NLRP13: variants seen among roughly 807,000 people sequenced by gnomAD.
The protein encoded by NLRP13 is NACHT, LRR and PYD domains-containing protein 13.
NLRP13 carries 82 observed loss-of-function variants against 94.4 expected under a neutral mutation model. That is an observed-to-expected ratio of 0.87 (90% CI 0.73 to 1.04). NLRP13 has a LOEUF of 1.04. NLRP13 is among the 50% of genes least tolerant of loss of function. The probability of loss-of-function intolerance (pLI) is 0.00; values close to 1 mark genes in which losing one functional copy is unlikely to be tolerated. For synonymous variants in NLRP13, 553 were observed against 464.7 expected, an observed-to-expected ratio of 1.19 and a Z score of -2.45; for missense variants, 1,426 against 1,230.8, an observed-to-expected ratio of 1.16 and a Z score of -2.37.
rs149110821 is a variant in NLRP13 at position 55,932,101 on chromosome 19, G to T, written c.211C>A (p.Leu71Ile). ...RAADPLNLSF[L>I]LDEHFPKGQA... ...CCTTTTGGGAAGTGTTCATCCAAAA[G>T]AAAGGACAGATTCAAAGGGTCGGCA... Residue 71 changes from leucine (L) to isoleucine (I), a missense_variant, in exon 1 of 11, where the codon CTT (leucine) becomes ATT (isoleucine). Leu to Ile is a conservative substitution (Grantham distance 5). Transcript: ENST00000342929. 272 of 1,614,076 alleles carry T rather than the reference G, an allele frequency of 1.7e-4. 1 individual carries two copies. Among genetic ancestry groups the T allele is most frequent in the Middle Eastern group, 1.2e-3 (7 of 6,084 alleles).
Position 55,898,920 on chromosome 19 carries a change from A to G in NLRP13, c.2807T>C (p.Phe936Ser). The change falls in exon 10 of 11, where the codon TTC (phenylalanine) becomes TCC (serine). Residue 936 changes from phenylalanine to serine, a missense_variant. Coordinates refer to ENST00000342929, the MANE Select transcript of NLRP13 (RefSeq NM_176810.2). ...CAGCTCTCCACAGCCCTCTCTTGTG[A>G]AAGAACAACCTGACAAACTGCAAAA... ...LQSLNLSGCS[F>S]TREGCGELAN... is the part of the protein sequence containing the mutation. The G allele has an allele frequency of 1.2e-6, 2 of 1,605,720 alleles. No individual in the cohort carries two copies. Among genetic ancestry groups the G allele is most frequent in the Middle Eastern group, 1.7e-4 (1 of 6,034 alleles).
intron 3 of NLRP13, among the ~76,000 whole-genome samples, chr19:55,924,207 C>A (rs1458654087): frequency 6.6e-6 from 1 of 152,196 alleles, no homozygotes; most frequent in African/African-American, 2.4e-5. Flanking sequence ...ACTGCAACAT[C>A]TGCCTCCTGG....
intron 8 of NLRP13, among the ~76,000 whole-genome samples, chr19:55,903,108 GTAA>G (rs1166344841): frequency 1.3e-5 from 2 of 151,900 alleles, no homozygotes; most frequent in Non-Finnish European, 2.9e-5. Context: ...TAATAGAGTT[GTAA>G]TAATATATTA....
intron 6 of NLRP13, among the ~76,000 whole-genome samples, chr19:55,909,186 G>GT (rs1365377541): frequency 2.0e-5 from 3 of 152,072 alleles, no homozygotes; most frequent in Non-Finnish European, 2.9e-5. Context: ...CTCCTCTATA[G>GT]TTCCCCCCCG....
rs1423179992 is a variant in NLRP13 at position 55,913,215 on chromosome 19, T to A, written c.602A>T (p.His201Leu). Residue 201 changes from histidine to leucine, a missense_variant, in exon 5 of 11, where the codon CAC becomes CTC. His to Leu is a moderately conservative substitution (Grantham distance 99). Transcript: ENST00000342929. Reference protein sequence around the residue: ...TWDNISWPKDHVYIRNTSKDE... With the variant: ...TWDNISWPKDLVYIRNTSKDE... ...CTTTGATGTATTACGGATATATACG[T>A]GGTCTTTAGGCCAACTGATGTTGTC... 1.2e-6 allele frequency: 2 copies of A among 1,614,124 alleles called. No individual in the cohort carries two copies. The highest frequency in any genetic ancestry group is 2.2e-5 in the South Asian group (2 of 91,080).
At chr19:55,931,744 A>AAGAAAGACAGAAAGACAG (rs1600283705) in intron 1 of NLRP13, among the ~76,000 whole-genome samples, 1 of 148,936 alleles carries the variant, frequency 6.7e-6, no homozygotes, top group African/African-American at 2.5e-5. Context: ...GAAAGAAAGA[A>AAGAAAGACAGAAAGACAG]AAAGGCTTAT....
chr19:55,917,136 A>C lies in NLRP13; in HGVS notation c.524-3843T>G, dbSNP rs567559735. 2.6e-5 allele frequency among the ~76,000 whole-genome samples: 4 copies of C among 152,260 alleles called. No individual in the cohort carries two copies. In the South Asian group the frequency reaches 8.3e-4, roughly 32 times the overall value. On this transcript the variant is annotated intron_variant, in intron 4 of 10. Coordinates refer to ENST00000342929, the MANE Select transcript of NLRP13 (RefSeq NM_176810.2). ...CTTCTACAATAAGCTTTATAAATGA[A>C]GAAATAAAGTCTTTTTCAGACAAGC...
Position 55,912,636 on chromosome 19 carries a change from T to C in NLRP13, c.1181A>G (p.Tyr394Cys), listed in dbSNP as rs766093514. The change falls in exon 5 of 11, where the codon TAT becomes TGT. Residue 394 changes from tyrosine to cysteine, a missense_variant. Transcript: ENST00000342929. ...TGAGTCATCAAAGTGTCTCATGAAATATACCCGTAGGTCGTCCCCTGTGAA... is the reference window on the plus strand; with the variant it reads ...TGAGTCATCAAAGTGTCTCATGAAACATACCCGTAGGTCGTCCCCTGTGAA... ...TGFTGDDLRV[Y>C]FMRHFDDSSE... 3 of 1,614,192 alleles carry C rather than the reference T, an allele frequency of 1.9e-6. No individual in the cohort carries two copies. Among genetic ancestry groups the C allele is most frequent in the East Asian group, 4.5e-5 (2 of 44,874 alleles).
At chr19:55,899,769 G>C (rs543885676) in intron 9 of NLRP13, among the ~76,000 whole-genome samples, 28 of 152,258 alleles carry the variant, frequency 1.8e-4, no homozygotes, top group South Asian at 8.3e-4. Context: ...GACAGAGCAA[G>C]AGTCTGTTTA....
At chr19:55,897,470 C>T (rs1445010920) in intron 10 of NLRP13, among the ~76,000 whole-genome samples, 1 of 152,172 alleles carries the variant, frequency 6.6e-6, no homozygotes, top group African/African-American at 2.4e-5. Flanking sequence ...CGCACCACTG[C>T]ACTCCAGCCT....
chr19:55,907,995 G>C, intron 6 of NLRP13, 39 bp from the exon 7 acceptor site: 1 of 1,560,992 alleles, frequency 6.4e-7, no homozygotes, highest in Non-Finnish European at 8.7e-7. Context: ...GATTGGGGGA[G>C]AAGACTGGTT....
At position 55,907,775 on chromosome 19, in the gene NLRP13, GGGAGCC is replaced by G; in HGVS notation, c.2447+11_2447+16del. ...CTTGCAACCCCCCTTGACAGATCTA[GGGAGCC>G]AAAGACTTACCACAGATACTTGAGG... On this transcript the variant is annotated intron_variant, in intron 7 of 10. Transcript: ENST00000342929. 6.2e-7 allele frequency: 1 copy of G among 1,613,184 alleles called. No individual in the cohort carries two copies. The highest frequency in any genetic ancestry group is 8.5e-7 in the Non-Finnish European group (1 of 1,179,522).
At chr19:55,920,892 A>ATG (rs1213160582) in intron 4 of NLRP13, among the ~76,000 whole-genome samples, 2 of 152,058 alleles carry the variant, frequency 1.3e-5, no homozygotes, top group African/African-American at 4.8e-5. Context: ...AATGTGGTGT[A>ATG]TGTATGTATG....
chr19:55,912,496 T>G lies in NLRP13; in HGVS notation c.1321A>C (p.Arg441=). 1 of 1,614,094 alleles carries G rather than the reference T, an allele frequency of 6.2e-7. No individual in the cohort carries two copies. The highest frequency in any genetic ancestry group is 8.5e-7 in the Non-Finnish European group (1 of 1,179,998). ...GTGATTGACTGGAGATCGTAATACC[T>G]CACCTTCGGCTGCTTCAGACAGGAA... ...VCSCLKQPKV[R]YYDLQSITQT... is the part of the protein sequence containing the mutation. Residue 441 remains arginine, a synonymous_variant, in exon 5 of 11, where the codon AGG becomes CGG. Transcript: ENST00000342929.
At chr19:55,892,388 T>TACAC (rs3073262), downstream of NLRP13, among the ~76,000 whole-genome samples, 7 of 151,182 alleles carry the variant, frequency 4.6e-5, no homozygotes, top group South Asian at 6.3e-4. Flanking sequence ...TACACACACA[T>TACAC]ACACACACAC....
chr19:55,905,267 C>T (rs190215926), intron 7 of NLRP13, among the ~76,000 whole-genome samples, 155 bp from the exon 8 acceptor site: 14 of 151,672 alleles, frequency 9.2e-5, no homozygotes, highest in South Asian at 2.1e-4. Context: ...AAGGGCCAGG[C>T]GCAGTGGCTG....
At chr19:55,898,212 GTTTTT>G (rs996847207) in intron 10 of NLRP13, among the ~76,000 whole-genome samples, 1 of 28,076 alleles carries the variant, frequency 3.6e-5, no homozygotes, top group Non-Finnish European at 6.4e-5. Flanking sequence ...TTTTGTTTTT[GTTTTT>G]TTTTTTTTTG....
Position 55,913,273 on chromosome 19 carries a change from C to T in NLRP13, c.544G>A (p.Glu182Lys). 6.2e-7 allele frequency: 1 copy of T among 1,613,902 alleles called. No individual in the cohort carries two copies. The change falls in exon 5 of 11, where the codon GAG (glutamate) becomes AAG (lysine). Residue 182 changes from glutamate (E) to lysine (K), a missense_variant. Coordinates refer to ENST00000342929, the MANE Select transcript of NLRP13 (RefSeq NM_176810.2). ...EEADHRRKYR[E>K]NMKAELLETW... ...TCCAGTAGTTCAGCCTTCATGTTCT[C>T]TCTGTATTTTCTTCTGTGGTCTAGA...
At chr19:55,922,601 C>G (rs1296235173) in intron 4 of NLRP13, among the ~76,000 whole-genome samples, 1 of 152,216 alleles carries the variant, frequency 6.6e-6, no homozygotes, top group Non-Finnish European at 1.5e-5. Flanking sequence ...GCTGGGATTA[C>G]CGGCGTGAGC....
Sources: allele counts gnomAD v4.1 joint callset (sites outside exome capture counted in the v4.1 genomes callset), GRCh38; gene constraint gnomAD v4.1.1; transcripts MANE v1.5; gene names NCBI Gene and HGNC (gene_info 2026-07-23, HGNC 2026-07-21).